Variants in SLC24A2 observed in about 807,000 individuals in gnomAD.
SLC24A2 encodes sodium/potassium/calcium exchanger 2.
Under a neutral mutation model 62.0 loss-of-function variants are expected in SLC24A2, and 36 were observed. The observed-to-expected ratio is 0.58, with a 90% CI of 0.44 to 0.77. The LOEUF (loss-of-function observed/expected upper bound fraction) is 0.77, where lower values mean the gene tolerates loss of function less well. SLC24A2 is among the 30% of genes least tolerant of loss of function. SLC24A2 has a pLI of 0.00. For synonymous variants in SLC24A2, 358 were observed against 294.0 expected (o/e 1.22, Z -2.23); for missense variants, 846 against 817.9 (o/e 1.03, Z -0.42).
intron 8 of SLC24A2, among the ~76,000 whole-genome samples, chr9:19,539,646 AGGTGT>A (rs1291484915): frequency 1.4e-5 from 1 of 69,296 alleles, no homozygotes; most frequent in Non-Finnish European, 2.8e-5. Context: ...ATTTTGGAAT[AGGTGT>A]GGTGTGGTGC....
chr9:19,820,450 T>A, the SLC24A2 span, among the ~76,000 whole-genome samples: 1 of 150,000 alleles, frequency 6.7e-6, no homozygotes, highest in Non-Finnish European at 1.5e-5. Flanking sequence ...AATAATAAAT[T>A]TAAAAAAAAA....
At chr9:19,650,877 G>A (rs1310790667) in intron 2 of SLC24A2, among the ~76,000 whole-genome samples, 1 of 151,142 alleles carries the variant, frequency 6.6e-6, no homozygotes, top group Non-Finnish European at 1.5e-5. Flanking sequence ...GCATCAAATA[G>A]CTGTCTATAA....
At chr9:20,033,101 T>G in the SLC24A2 span, among the ~76,000 whole-genome samples, 1 of 152,200 alleles carries the variant, frequency 6.6e-6, no homozygotes, top group Non-Finnish European at 1.5e-5. Context: ...GGTTTAGAAA[T>G]CTGCATCTTA....
the SLC24A2 span, among the ~76,000 whole-genome samples, chr9:20,219,416 T>G: frequency 6.6e-6 from 1 of 152,168 alleles, no homozygotes; most frequent in Non-Finnish European, 1.5e-5. Flanking sequence ...GTAAATCACC[T>G]AGGGCTGAAT....
chr9:19,719,591 C>A (rs1202205011), intron 2 of SLC24A2, among the ~76,000 whole-genome samples: 1 of 152,106 alleles, frequency 6.6e-6, no homozygotes, highest in African/African-American at 2.4e-5. Flanking sequence ...AGTTGAGATG[C>A]AGAGCAGAGA....
chr9:19,782,514 G>C (rs1236409665), intron 2 of SLC24A2, among the ~76,000 whole-genome samples: 2 of 152,124 alleles, frequency 1.3e-5, no homozygotes, highest in Non-Finnish European at 1.5e-5. Context: ...TATATTCACT[G>C]TATGTGAACT....
intron 6 of SLC24A2, among the ~76,000 whole-genome samples, chr9:19,574,035 GGCTAGTTCC>G (rs1835935913): frequency 6.6e-6 from 1 of 152,156 alleles, no homozygotes; most frequent in Non-Finnish European, 1.5e-5. Context: ...TGCTATCTTA[GGCTAGTTCC>G]CTTCTTCCTC....
intron 2 of SLC24A2, among the ~76,000 whole-genome samples, chr9:19,721,462 C>A (rs548518914): frequency 6.6e-6 from 1 of 152,196 alleles, no homozygotes; most frequent in South Asian, 2.1e-4. Flanking sequence ...GAAGAGAAGA[C>A]AGAAATATGT....
the SLC24A2 span, among the ~76,000 whole-genome samples, chr9:20,169,546 T>G: frequency 6.6e-6 from 1 of 152,128 alleles, no homozygotes; most frequent in South Asian, 2.1e-4. Context: ...TGAAGCCTGG[T>G]AGACCTGCTG....
At chr9:20,227,570 G>C in the SLC24A2 span, among the ~76,000 whole-genome samples, 2 of 139,188 alleles carry the variant, frequency 1.4e-5, no homozygotes, top group Admixed American at 1.4e-4. Context: ...GCAGAATGAA[G>C]ATGACTGGAG....
At chr9:20,055,756 T>G in the SLC24A2 span, among the ~76,000 whole-genome samples, 3 of 151,938 alleles carry the variant, frequency 2.0e-5, no homozygotes, top group African/African-American at 7.3e-5. Flanking sequence ...GGTGTGGTGG[T>G]GGGAGCCTGT....
chr9:19,956,153 C>G, the SLC24A2 span, among the ~76,000 whole-genome samples: 1 of 152,202 alleles, frequency 6.6e-6, no homozygotes, highest in East Asian at 1.9e-4. Context: ...CTACGTTTAG[C>G]TTTTAGTTGT....
chr9:20,098,845 A>G, the SLC24A2 span, among the ~76,000 whole-genome samples: 3 of 152,206 alleles, frequency 2.0e-5, no homozygotes, highest in Non-Finnish European at 4.4e-5. Flanking sequence ...TACTGGTACA[A>G]TGAGTAACTC....
intron 8 of SLC24A2, among the ~76,000 whole-genome samples, chr9:19,542,763 G>C (rs1339392957): frequency 1.3e-5 from 2 of 152,160 alleles, no homozygotes; most frequent in Non-Finnish European, 2.9e-5. Flanking sequence ...TGTTGAACCA[G>C]CCTTGCATCC....
the SLC24A2 span, among the ~76,000 whole-genome samples, chr9:19,953,507 C>T: frequency 2.6e-5 from 4 of 152,050 alleles, no homozygotes; most frequent in African/African-American, 9.6e-5. Context: ...AAGTACTTTT[C>T]ATGACATAGG....
At chr9:19,943,872 C>G in the SLC24A2 span, among the ~76,000 whole-genome samples, 1 of 152,182 alleles carries the variant, frequency 6.6e-6, no homozygotes, top group Non-Finnish European at 1.5e-5. Flanking sequence ...ATGTAAGACA[C>G]TGAGTTAGAA....
At chr9:19,559,597 G>A (rs1586958395) in intron 7 of SLC24A2, among the ~76,000 whole-genome samples, 1 of 152,194 alleles carries the variant, frequency 6.6e-6, no homozygotes, top group East Asian at 1.9e-4. Context: ...ATTACCAAAA[G>A]TGCATAGTCA....
intron 2 of SLC24A2, among the ~76,000 whole-genome samples, chr9:19,700,982 G>A (rs950542801): frequency 4.6e-5 from 7 of 152,126 alleles, no homozygotes; most frequent in Non-Finnish European, 1.0e-4. Flanking sequence ...AAGAATACTC[G>A]CTGTTCATTC....
At chr9:20,039,828 A>G in the SLC24A2 span, among the ~76,000 whole-genome samples, 3 of 152,146 alleles carry the variant, frequency 2.0e-5, no homozygotes, top group Non-Finnish European at 4.4e-5. Context: ...GATAGCAAGG[A>G]CCAAGGATAC....
Sources: gnomAD v4.1 joint callset for allele counts (sites outside exome capture counted in the v4.1 genomes callset) on GRCh38, gnomAD v4.1.1 for gene constraint, MANE v1.5 for transcripts, NCBI Gene and HGNC (gene_info 2026-07-23, HGNC 2026-07-21) for gene names.